Variants in FBXL14 observed in about 807,000 individuals in gnomAD.
FBXL14 encodes F-box and leucine rich repeat protein 14, also known as F-box/LRR-repeat protein 14.
In FBXL14, 11 loss-of-function variants were observed where a neutral mutation model predicts 24.5. The ratio of observed to expected loss-of-function variants is 0.45; its 90% CI spans 0.28 to 0.74. The LOEUF (loss-of-function observed/expected upper bound fraction) is 0.74. Among genes scored for constraint, FBXL14 ranks in the 30% least tolerant of loss-of-function variants. FBXL14 has a pLI of 0.12. For synonymous variants in FBXL14, 294 were observed against 240.4 expected (o/e 1.22, Z -2.06); for missense variants, 384 against 545.6 (o/e 0.70, Z 2.95).
chr12:1,589,715 G>C (rs1350610166), intron 1 of FBXL14, among the ~76,000 whole-genome samples: 8 of 152,216 alleles, frequency 5.3e-5, no homozygotes, highest in Admixed American at 5.2e-4. Flanking sequence ...GAGATGAGCA[G>C]TTGACCTTCA....
In FBXL14 at chr12:1,592,922, C is replaced by T. The variant is rs748877691; in HGVS notation, c.1145G>A (p.Cys382Tyr). The change falls in exon 1 of 2, where the codon TGC becomes TAC. Residue 382 changes from cysteine to tyrosine, a missense_variant. Transcript: ENST00000339235. The part of the protein sequence containing the change: ...RGLERITQLP[C>Y]LKVLNLGLWQ... ...GAGTCCCAGGTTGAGTACCTTGAGGCACGGCAGCTGCGTGATGCGCTCCAG... is the reference window on the plus strand; with the variant it reads ...GAGTCCCAGGTTGAGTACCTTGAGGTACGGCAGCTGCGTGATGCGCTCCAG... The T allele has an allele frequency of 1.7e-5, 28 of 1,606,454 alleles. No homozygotes were observed. The Admixed American group carries it at 4.7e-4, about 27-fold the overall frequency.
At chr12:1,585,195 G>A (rs1443038193) in intron 1 of FBXL14, among the ~76,000 whole-genome samples, 5 of 151,996 alleles carry the variant, frequency 3.3e-5, no homozygotes, top group African/African-American at 1.2e-4. Flanking sequence ...TCAGGAGATC[G>A]AGACCATCCT....
At position 1,593,415 on chromosome 12, in the gene FBXL14, G is replaced by T. The variant is rs752706841; in HGVS notation, c.652C>A (p.Leu218Ile). 2 of 1,614,078 alleles carry T rather than the reference G, an allele frequency of 1.2e-6. No individual in the cohort carries two copies. The highest frequency in any genetic ancestry group is 1.7e-6 in the Non-Finnish European group (2 of 1,180,018). Reference protein sequence around the residue: ...TLQDCQKLTDLSLKHISRGLT... With the variant: ...TLQDCQKLTDISLKHISRGLT... ...CCTCGGGAGATGTGCTTTAGAGAAAGATCTGTGAGCTTCTGGCAGTCCTGT... is the reference window on the plus strand; with the variant it reads ...CCTCGGGAGATGTGCTTTAGAGAAATATCTGTGAGCTTCTGGCAGTCCTGT... Residue 218 changes from leucine to isoleucine, a missense_variant, in exon 1 of 2, where the codon CTT becomes ATT. Coordinates refer to ENST00000339235, the MANE Select transcript of FBXL14 (RefSeq NM_152441.3). This position sits in a 1 kb window ranked among gnomAD's most constrained non-coding sequence, Gnocchi z 7.4.
In FBXL14 at chr12:1,572,793, C is replaced by G. The variant is rs368102318; in HGVS notation, c.1195-5983G>C. The stretch of plus-strand genomic sequence containing the variant: ...ACATTAGAAAAATCACTCCTGGGAC[C>G]TGGGTCAAAATGGTCAAAATGAGAA... On this transcript the variant is annotated intron_variant, in intron 1 of 1. Transcript: ENST00000339235. Among the ~76,000 whole-genome samples, 618 of 138,466 alleles carry G rather than the reference C, an allele frequency of 4.5e-3. 4 individuals carry two copies. Among genetic ancestry groups the G allele is most frequent in the African/African-American group, 0.015 (577 of 39,126 alleles). The allele number at this position is 138,466 out of a possible 152,430, so 90.8% of individuals were successfully genotyped here.
chr12:1,576,498 A>G (rs2094456195), intron 1 of FBXL14, among the ~76,000 whole-genome samples: 1 of 152,216 alleles, frequency 6.6e-6, no homozygotes, highest in African/African-American at 2.4e-5. Flanking sequence ...TCTTGAATAC[A>G]TGTTAACCTC....
Position 1,568,010 on chromosome 12 carries a change from T to C in FBXL14, c.1195-1200A>G, listed in dbSNP as rs531484302. 2.6e-5 allele frequency among the ~76,000 whole-genome samples: 4 copies of C among 152,338 alleles called. No homozygotes were observed. In the South Asian group the frequency reaches 8.3e-4, roughly 32 times the overall value. ...GAGAAAGAAGAAATACTTGAAATGG[T>C]AATGACAGATTTCTCCAAATTAATG... On this transcript the variant is annotated intron_variant, in intron 1 of 1. Transcript: ENST00000339235.
intron 1 of FBXL14, among the ~76,000 whole-genome samples, chr12:1,578,260 C>G (rs756317692): frequency 6.6e-6 from 1 of 152,144 alleles, no homozygotes; most frequent in Non-Finnish European, 1.5e-5. Context: ...CCCTGAAAGA[C>G]GTGAGATGCA....
chr12:1,589,453 A>G (rs1565590074), intron 1 of FBXL14, among the ~76,000 whole-genome samples: 20 of 136,800 alleles, frequency 1.5e-4, no homozygotes, highest in African/African-American at 6.5e-4. Flanking sequence ...AAAAAAAAAA[A>G]AAGACAGGAA....
intron 1 of FBXL14, among the ~76,000 whole-genome samples, chr12:1,571,877 C>G (rs1318566109): frequency 6.6e-6 from 1 of 152,202 alleles, no homozygotes; most frequent in Non-Finnish European, 1.5e-5. Flanking sequence ...GATTGAACAC[C>G]TACTCTATAC....
chr12:1,578,858 C>T (rs1014501601), intron 1 of FBXL14, among the ~76,000 whole-genome samples: 19 of 152,084 alleles, frequency 1.2e-4, no homozygotes, highest in African/African-American at 3.9e-4. Context: ...AGTCAGACCA[C>T]GGTGGGCTTT....
intron 1 of FBXL14, among the ~76,000 whole-genome samples, chr12:1,573,087 G>A (rs1274070965): frequency 3.9e-5 from 6 of 152,180 alleles, no homozygotes; most frequent in African/African-American, 9.7e-5. Flanking sequence ...GGATACACTA[G>A]TAAGAGATGT....
intron 1 of FBXL14, among the ~76,000 whole-genome samples, chr12:1,591,347 GTTTT>G (rs34841563): frequency 2.9e-5 from 4 of 138,374 alleles, no homozygotes; most frequent in African/African-American, 5.4e-5. Flanking sequence ...CAAGGCTGTT[GTTTT>G]TTTTTTTTTT....
In FBXL14 at chr12:1,584,826, CGTT is replaced by C. The variant is rs199947506; in HGVS notation, c.1194+8044_1194+8046del. 9.0e-3 allele frequency among the ~76,000 whole-genome samples: 1,367 copies of C among 152,108 alleles called. 19 individuals carry two copies. Among genetic ancestry groups the C allele is most frequent in the African/African-American group, 0.031 (1,291 of 41,486 alleles). ...AAGACACACGTACTGGCCATCTTGT[CGTT>C]GTTGTTGTTCACAGCAGTGGAGTTT... On this transcript the variant is annotated intron_variant, in intron 1 of 1. Coordinates refer to ENST00000339235, the MANE Select transcript of FBXL14 (RefSeq NM_152441.3).
At chr12:1,574,322 C>T (rs1425578255) in intron 1 of FBXL14, among the ~76,000 whole-genome samples, 1 of 9,216 alleles carries the variant, frequency 1.1e-4, no homozygotes, top group East Asian at 1.5e-3. Flanking sequence ...AGAGAGCTTA[C>T]CTGGAGGAAC....
Position 1,566,209 on chromosome 12 carries a change from A to G in FBXL14, c.*539T>C, listed in dbSNP as rs547174886. 3 of 152,638 alleles carry G rather than the reference A, an allele frequency of 2.0e-5. No homozygotes were observed. The East Asian group carries it at 5.8e-4, about 29-fold the overall frequency. 9.5% of individuals were successfully genotyped at this position (152,638 alleles called of 1,614,324 possible). On this transcript the variant is annotated 3_prime_UTR_variant, in exon 2 of 2. Transcript: ENST00000339235. Reference sequence around the variant, plus strand: ...AAATACGTAGACATTCCTCTATCTCATGGGGAAACTGCTAGGCAGGTCATC... The same window carrying G: ...AAATACGTAGACATTCCTCTATCTCGTGGGGAAACTGCTAGGCAGGTCATC...
Position 1,593,415 on chromosome 12 carries a change from G to C in FBXL14, c.652C>G (p.Leu218Val). 5 of 1,614,078 alleles carry C rather than the reference G, an allele frequency of 3.1e-6. No homozygotes were observed. The highest frequency in any genetic ancestry group is 4.2e-6 in the Non-Finnish European group (5 of 1,180,018). The change falls in exon 1 of 2, where the codon CTT becomes GTT. Residue 218 changes from leucine to valine, a missense_variant. By Grantham distance (32) the Leu-to-Val change is conservative. Coordinates refer to ENST00000339235, the MANE Select transcript of FBXL14 (RefSeq NM_152441.3). This position sits in a 1 kb window ranked among gnomAD's most constrained non-coding sequence, Gnocchi z 7.4. ...CCTCGGGAGATGTGCTTTAGAGAAA[G>C]ATCTGTGAGCTTCTGGCAGTCCTGT... ...TLQDCQKLTDLSLKHISRGLT... is the reference protein window; with the variant it reads ...TLQDCQKLTDVSLKHISRGLT...
At position 1,593,462 on chromosome 12, in the gene FBXL14, A is replaced by T. The variant is rs1219363757; in HGVS notation, c.605T>A (p.Leu202Gln). 1 of 1,614,008 alleles carries T rather than the reference A, an allele frequency of 6.2e-7. No individual in the cohort carries two copies. Among genetic ancestry groups the T allele is most frequent in the South Asian group, 1.1e-5 (1 of 91,084 alleles). ...CTGTAGCGTGAGCTGCTCCAGGCCC[A>T]GGCAGCCCTCCGCCGCGCTGCGCGT... ...GMTRSAAEGC[L>Q]GLEQLTLQDC... The change falls in exon 1 of 2, where the codon CTG becomes CAG. Residue 202 changes from leucine (L) to glutamine (Q), a missense_variant. Coordinates refer to ENST00000339235, the MANE Select transcript of FBXL14 (RefSeq NM_152441.3). The surrounding 1 kb of genome is among the most constrained non-coding windows in gnomAD (Gnocchi z 7.4).
intron 1 of FBXL14, among the ~76,000 whole-genome samples, chr12:1,591,502 T>C (rs779862440): frequency 4.7e-4 from 72 of 152,334 alleles, no homozygotes; most frequent in Non-Finnish European, 7.4e-4. Context: ...GATAAAGGTC[T>C]CTGGGTTTCT....
chr12:1,572,744 G>A (rs1468694751), intron 1 of FBXL14, among the ~76,000 whole-genome samples: 2 of 152,264 alleles, frequency 1.3e-5, no homozygotes, highest in African/African-American at 4.8e-5. Flanking sequence ...GATTGTGACC[G>A]GGAAGTGATA....
Sources: gnomAD v4.1 joint callset for allele counts (sites outside exome capture counted in the v4.1 genomes callset) on GRCh38, gnomAD v4.1.1 for gene constraint, Gnocchi (gnomAD v3.1) non-coding constraint, MANE v1.5 for transcripts, NCBI Gene and HGNC (gene_info 2026-07-23, HGNC 2026-07-21) for gene names.